PRKCE: variants seen among roughly 807,000 people sequenced by gnomAD.
PRKCE encodes protein kinase C epsilon.
A neutral mutation model predicts 85.4 loss-of-function variants in PRKCE; 16 were observed. The ratio of observed to expected loss-of-function variants is 0.19; its 90% CI spans 0.13 to 0.28. PRKCE has a LOEUF of 0.28. Among genes scored for constraint, PRKCE ranks in the 10% least tolerant of loss-of-function variants. The pLI, the probability that PRKCE is intolerant of heterozygous loss-of-function variation, is 1.00. For synonymous variants in PRKCE, 388 were observed against 371.5 expected (o/e 1.04, Z -0.51); for missense variants, 573 against 975.2 (o/e 0.59, Z 5.49).
intron 11 of PRKCE, among the ~76,000 whole-genome samples, chr2:46,093,321 A>C (rs569058312): frequency 6.6e-6 from 1 of 152,160 alleles, no homozygotes; most frequent in Non-Finnish European, 1.5e-5. Flanking sequence ...ATGAGATAGT[A>C]TAAAGCTTAG....
intron 1 of PRKCE, among the ~76,000 whole-genome samples, chr2:45,748,549 G>A (rs1477135665): frequency 2.6e-5 from 4 of 152,012 alleles, no homozygotes; most frequent in South Asian, 2.1e-4. Context: ...TTTAGATCTC[G>A]GTATGACTCA....
intron 2 of PRKCE, among the ~76,000 whole-genome samples, chr2:45,920,645 G>A (rs750313699): frequency 7.2e-5 from 11 of 152,168 alleles, no homozygotes; most frequent in Non-Finnish European, 1.3e-4. Context: ...ACCACATATT[G>A]TATGATTGCA....
chr2:45,971,932 A>T lies in PRKCE; in HGVS notation c.413-4497A>T, dbSNP rs577744870. On this transcript the variant is annotated intron_variant, in intron 2 of 14. Coordinates refer to ENST00000306156, the MANE Select transcript of PRKCE (RefSeq NM_005400.3). The stretch of plus-strand genomic sequence containing the variant: ...CGCTGCAGTGAATGTGGGAGTGCAG[A>T]TGCATGAGGACTCTTCAGGGTCCTT... Among the ~76,000 whole-genome samples the T allele has an allele frequency of 2.6e-4, 39 of 152,270 alleles. No individual in the cohort carries two copies. In the South Asian group the frequency reaches 7.1e-3, roughly 28 times the overall value.
At chr2:45,880,635 A>G (rs925412245) in intron 2 of PRKCE, among the ~76,000 whole-genome samples, 31 of 152,174 alleles carry the variant, frequency 2.0e-4, no homozygotes, top group African/African-American at 7.0e-4. Context: ...CAGGGAGTAT[A>G]TGTATACCAA....
chr2:45,883,670 A>G (rs1169286777), intron 2 of PRKCE, among the ~76,000 whole-genome samples: 6 of 152,258 alleles, frequency 3.9e-5, no homozygotes, highest in African/African-American at 1.4e-4. Context: ...CACAACTACC[A>G]TGCCATGCTA....
At chr2:46,099,123 A>G (rs561798861) in intron 11 of PRKCE, among the ~76,000 whole-genome samples, 1 of 152,184 alleles carries the variant, frequency 6.6e-6, no homozygotes, top group South Asian at 2.1e-4. Flanking sequence ...GTAAGCAAGG[A>G]GCTGGGTTGC....
intron 1 of PRKCE, chr2:45,770,973 G>A (rs1685280754): frequency 6.6e-6 from 1 of 152,074 alleles, no homozygotes; most frequent in South Asian, 2.1e-4. Context: ...ATGCTGGCCA[G>A]TTTGATTGCA....
intron 2 of PRKCE, among the ~76,000 whole-genome samples, chr2:45,918,483 C>G (rs1344408806): frequency 2.6e-5 from 4 of 152,168 alleles, no homozygotes; most frequent in African/African-American, 9.7e-5. Flanking sequence ...TAGCATTTTG[C>G]AAGGACTGTG....
chr2:45,976,638 T>A, intron 3 of PRKCE, 50 bp downstream of exon 3: 2 of 1,581,620 alleles, frequency 1.3e-6, no homozygotes. Flanking sequence ...TGTTACAAGA[T>A]GTCGGGGATG....
At chr2:46,026,811 A>T (rs577343237) in intron 10 of PRKCE, among the ~76,000 whole-genome samples, 5 of 152,230 alleles carry the variant, frequency 3.3e-5, no homozygotes, top group African/African-American at 1.2e-4. Context: ...GACATGTAGC[A>T]TATTTCCATT....
At chr2:45,941,790 A>G (rs2711292) in intron 2 of PRKCE, among the ~76,000 whole-genome samples, 127,696 of 152,092 alleles carry the variant, frequency 0.84, 53,915 homozygotes, top group South Asian at 0.96. Context: ...CTGGAGTCCC[A>G]GAGTGGTCTG....
intron 2 of PRKCE, among the ~76,000 whole-genome samples, chr2:45,866,998 G>C (rs1573668431): frequency 6.6e-6 from 1 of 152,124 alleles, no homozygotes; most frequent in Admixed American, 6.5e-5. Context: ...AGATGCACAG[G>C]TCCCACTCCA....
intron 1 of PRKCE, among the ~76,000 whole-genome samples, chr2:45,658,307 C>T (rs1000147115): frequency 1.3e-5 from 2 of 152,198 alleles, no homozygotes; most frequent in African/African-American, 4.8e-5. Flanking sequence ...ATTCTTGGCC[C>T]AGTGCTATCA....
In PRKCE at chr2:46,159,554, T is replaced by G. The variant is rs1677552596; in HGVS notation, c.1921-52T>G. 1 of 1,536,032 alleles carries G rather than the reference T, an allele frequency of 6.5e-7. No homozygotes were observed. Among genetic ancestry groups the G allele is most frequent in the Non-Finnish European group, 8.7e-7 (1 of 1,149,100 alleles). On this transcript the variant is annotated intron_variant, in intron 13 of 14. Transcript: ENST00000306156. The surrounding 1 kb of genome is among the most constrained non-coding windows in gnomAD (Gnocchi z 4.1). ...TGACCTCCATCTGTCCCTTATAGCC[T>G]GTGCTGGCCAGGCCTTTGTCACTAA... is the stretch of plus-strand genomic sequence containing the variant.
intron 1 of PRKCE, among the ~76,000 whole-genome samples, chr2:45,769,731 T>G (rs2104900342): frequency 6.6e-6 from 1 of 152,344 alleles, no homozygotes; most frequent in East Asian, 1.9e-4. Context: ...TTTTGATATG[T>G]TTTGCTTCCT....
intron 1 of PRKCE, among the ~76,000 whole-genome samples, chr2:45,832,643 G>A (rs1379062571): frequency 6.6e-6 from 1 of 152,068 alleles, no homozygotes; most frequent in African/African-American, 2.4e-5. Flanking sequence ...ATGCAGTATG[G>A]GCTCCATGAC....
At chr2:45,998,378 G>T (rs185258178) in intron 6 of PRKCE, among the ~76,000 whole-genome samples, 1 of 152,256 alleles carries the variant, frequency 6.6e-6, no homozygotes, top group South Asian at 2.1e-4. Flanking sequence ...GTACATACAC[G>T]TTAAAAATTA....
At chr2:45,784,062 G>A (rs1378085626) in intron 1 of PRKCE, among the ~76,000 whole-genome samples, 1 of 152,272 alleles carries the variant, frequency 6.6e-6, no homozygotes, top group African/African-American at 2.4e-5. Context: ...TGGATGTCAG[G>A]AGAGCTCTGT....
At position 45,944,655 on chromosome 2, in the gene PRKCE, ATTTT is replaced by A. The variant is rs71394861; in HGVS notation, c.413-31750_413-31747del. The stretch of plus-strand genomic sequence containing the variant: ...AGGTGCGTGCCACCATACCCGGCTA[ATTTT>A]TTTTTTTTTTTTTTTTTTTTTTTGT... On this transcript the variant is annotated intron_variant, in intron 2 of 14. Transcript: ENST00000306156. 3.3e-4 allele frequency among the ~76,000 whole-genome samples: 25 copies of A among 75,624 alleles called. No individual in the cohort carries two copies. In the South Asian group the frequency reaches 0.013, roughly 38 times the overall value. The allele number at this position is 75,624 out of a possible 152,430, so 49.6% of individuals were successfully genotyped here.
Sources: allele counts gnomAD v4.1 joint callset (sites outside exome capture counted in the v4.1 genomes callset), GRCh38; gene constraint gnomAD v4.1.1; non-coding constraint Gnocchi (gnomAD v3.1); transcripts MANE v1.5; gene names NCBI Gene and HGNC (gene_info 2026-07-23, HGNC 2026-07-21).